C2CD5: variants seen among roughly 807,000 people sequenced by gnomAD.
C2CD5 encodes the protein C2 domain-containing protein 5.
C2CD5 carries 109 observed loss-of-function variants against 130.3 expected under a neutral mutation model. That is an observed-to-expected ratio of 0.84 (90% CI 0.72 to 0.98). The LOEUF is 0.98. Among genes scored for constraint, C2CD5 ranks in the 50% least tolerant of loss-of-function variants. The probability of loss-of-function intolerance (pLI) is 0.00; values close to 1 mark genes in which losing one functional copy is unlikely to be tolerated. For missense variants in C2CD5, 996 were observed against 1,261.8 expected (o/e 0.79, Z 3.19); for synonymous variants, 454 against 429.2 (o/e 1.06, Z -0.71).
rs1437003480 is a variant in C2CD5 at position 22,453,899 on chromosome 12, G to A, written c.3021C>T (p.Asn1007=). 1 of 1,611,046 alleles carries A rather than the reference G, an allele frequency of 6.2e-7. No homozygotes were observed. The highest frequency in any genetic ancestry group is 8.5e-7 in the Non-Finnish European group (1 of 1,178,758). The change falls in exon 26 of 27, where the codon AAC becomes AAT. Residue 1007 remains asparagine (N), a synonymous_variant. Transcript: ENST00000446597. ...QCVFMENPNK[N]QAQCLINVSG... ...GGAATTTTTAACTGCATCTTACCTGGTTTTTATTTGGATTCTCCATGAAGA... is the reference window on the plus strand; with the variant it reads ...GGAATTTTTAACTGCATCTTACCTGATTTTTATTTGGATTCTCCATGAAGA...
chr12:22,519,205 G>T, intron 7 of C2CD5: 1 of 1,535,810 alleles, frequency 6.5e-7, no homozygotes, highest in Non-Finnish European at 8.7e-7. Flanking sequence ...TGAGTCGAGC[G>T]GCATCCATGG....
At chr12:22,478,891 C>T (rs977814976) in intron 14 of C2CD5, among the ~76,000 whole-genome samples, 4 of 151,886 alleles carry the variant, frequency 2.6e-5, no homozygotes, top group Admixed American at 2.0e-4. Context: ...GTGATCTTTG[C>T]TCATTAGGAA....
At chr12:22,529,480 T>C (rs560080321) in intron 3 of C2CD5, among the ~76,000 whole-genome samples, 1 of 152,264 alleles carries the variant, frequency 6.6e-6, no homozygotes, top group East Asian at 1.9e-4. Flanking sequence ...TAGGGGGTGC[T>C]ATACTAACAA....
chr12:22,507,750 G>C (rs905993324), intron 9 of C2CD5, among the ~76,000 whole-genome samples: 1 of 152,148 alleles, frequency 6.6e-6, no homozygotes. Context: ...TCACTTACCA[G>C]TAGCCTCAGC....
At chr12:22,493,358 C>T in intron 10 of C2CD5, 21 bp from the exon 11 acceptor site, 1 of 1,292,482 alleles carries the variant, frequency 7.7e-7, no homozygotes, top group Non-Finnish European at 1.1e-6. Flanking sequence ...AATTTTAAAT[C>T]AGTTTATTAC....
intron 24 of C2CD5, among the ~76,000 whole-genome samples, chr12:22,457,617 T>C (rs949578466): frequency 3.9e-5 from 6 of 152,148 alleles, no homozygotes; most frequent in Admixed American, 2.6e-4. Context: ...AAGATACTGG[T>C]TTTTTCCAAA....
intron 13 of C2CD5, among the ~76,000 whole-genome samples, chr12:22,484,145 A>C (rs902473305): frequency 7.9e-5 from 12 of 152,258 alleles, no homozygotes; most frequent in African/African-American, 2.9e-4. Context: ...AAGTCAAAGG[A>C]ATTTCAAGGC....
At chr12:22,544,246 G>C (rs1952721187) in intron 1 of C2CD5, 67 bp from the exon 2 acceptor site, 2 of 1,272,492 alleles carry the variant, frequency 1.6e-6, no homozygotes, top group African/African-American at 3.1e-5. Flanking sequence ...GAGGCGCGCG[G>C]GGTAACTGAC....
intron 2 of C2CD5, among the ~76,000 whole-genome samples, chr12:22,542,865 G>A (rs1952536466): frequency 6.6e-6 from 1 of 152,184 alleles, no homozygotes; most frequent in Admixed American, 6.5e-5. Flanking sequence ...AAAGTACTTA[G>A]TACAGATCTG....
Position 22,454,041 on chromosome 12 carries a change from T to C in C2CD5, c.2879A>G (p.Glu960Gly), listed in dbSNP as rs142967989. The change falls in exon 26 of 27, where the codon GAA (glutamate) becomes GGA (glycine). Residue 960 changes from glutamate (E) to glycine (G), a missense_variant and splice_region_variant. This residue lies in a region of C2CD5 where 51 missense variants were observed against 99.5 expected (regional missense o/e 0.51). Coordinates refer to ENST00000446597, the MANE Select transcript of C2CD5 (RefSeq NM_001286176.2). ...FIRETTSLRE[E>G]GGVSGFLHAF... Reference sequence around the variant, plus strand: ...ATGGAGAAAACCACTGACTCCTCCTTCCTAAATAATAGTGCACAGGAAAAT... The same window carrying C: ...ATGGAGAAAACCACTGACTCCTCCTCCCTAAATAATAGTGCACAGGAAAAT... 1 of 1,612,670 alleles carries C rather than the reference T, an allele frequency of 6.2e-7. No homozygotes were observed. Among genetic ancestry groups the C allele is most frequent in the Non-Finnish European group, 8.5e-7 (1 of 1,178,964 alleles).
intron 2 of C2CD5, 57 bp downstream of exon 2, chr12:22,544,004 G>T: frequency 7.5e-7 from 1 of 1,332,840 alleles, no homozygotes; most frequent in Non-Finnish European, 1.1e-6. Context: ...GAGGTGGGTA[G>T]ATCCTTCACA....
chr12:22,542,524 T>C (rs1474535470), intron 2 of C2CD5, among the ~76,000 whole-genome samples: 2 of 152,266 alleles, frequency 1.3e-5, no homozygotes, highest in African/African-American at 4.8e-5. Context: ...ACATACTATA[T>C]ATCCCAGTCT....
At chr12:22,502,026 T>G (rs996368990) in intron 10 of C2CD5, among the ~76,000 whole-genome samples, 2 of 151,988 alleles carry the variant, frequency 1.3e-5, no homozygotes, top group African/African-American at 4.8e-5. Context: ...CAATTAGAAA[T>G]GTACATTATG....
chr12:22,520,531 TC>T (rs1950179714), intron 7 of C2CD5, among the ~76,000 whole-genome samples: 1 of 152,236 alleles, frequency 6.6e-6, no homozygotes, highest in African/African-American at 2.4e-5. Context: ...TGGATAAAAA[TC>T]AAACAATTCA....
chr12:22,474,673 T>C, intron 16 of C2CD5, 78 bp downstream of exon 16: 1 of 989,326 alleles, frequency 1.0e-6, no homozygotes. Flanking sequence ...TATAAAAGTA[T>C]CATATTAATT....
intron 20 of C2CD5, 66 bp downstream of exon 20, chr12:22,471,333 T>C: frequency 1.1e-6 from 1 of 894,242 alleles, no homozygotes; most frequent in Non-Finnish European, 1.8e-6. Context: ...AAAATTATGA[T>C]AAACAGATAA....
In C2CD5 at chr12:22,524,665, G is replaced by C. The variant is rs1375987341; in HGVS notation, c.446-38C>G. The C allele has an allele frequency of 3.9e-6, 6 of 1,538,404 alleles. No individual in the cohort carries two copies. In the South Asian group the frequency reaches 7.0e-5, roughly 18 times the overall value. On this transcript the variant is annotated intron_variant, in intron 5 of 26. Transcript: ENST00000446597. The stretch of plus-strand genomic sequence containing the variant: ...ATTATTATGCTTCTGTTTATCAAAA[G>C]GTAAAACTCAATTTTTAAAAAATGT...
At chr12:22,462,301 A>G (rs916425715) in intron 22 of C2CD5, among the ~76,000 whole-genome samples, 1 of 152,178 alleles carries the variant, frequency 6.6e-6, no homozygotes, top group Non-Finnish European at 1.5e-5. Flanking sequence ...TTTTCATGTC[A>G]AGATCCCCCT....
chr12:22,528,889 T>C (rs1332327393), intron 3 of C2CD5, among the ~76,000 whole-genome samples: 1 of 152,158 alleles, frequency 6.6e-6, no homozygotes. Context: ...AAGCTAATAA[T>C]CCAGCCTCTG....
Sources: gnomAD v4.1 joint callset for allele counts (sites outside exome capture counted in the v4.1 genomes callset) on GRCh38, gnomAD v4.1.1 for gene constraint, gnomAD v4.1.1 regional missense constraint, MANE v1.5 for transcripts, NCBI Gene and HGNC (gene_info 2026-07-23, HGNC 2026-07-21) for gene names.